LLGL2: variants seen among roughly 807,000 people sequenced by gnomAD.
The protein encoded by LLGL2 is LLGL2, scribble cell polarity complex component.
LLGL2 carries 81 observed loss-of-function variants against 123.2 expected under a neutral mutation model. That is an observed-to-expected ratio of 0.66 (90% CI 0.55 to 0.79). The LOEUF is 0.79. Among genes scored for constraint, LLGL2 ranks in the 30% least tolerant of loss-of-function variants. LLGL2 has a pLI of 0.00. For synonymous variants in LLGL2, 577 were observed against 594.1 expected (o/e 0.97, Z 0.42); for missense variants, 1,273 against 1,414.6 (o/e 0.90, Z 1.61).
chr17:75,550,228 C>G (rs778945450), intron 2 of LLGL2, among the ~76,000 whole-genome samples: 2 of 152,238 alleles, frequency 1.3e-5, no homozygotes, highest in Admixed American at 6.5e-5. Flanking sequence ...AGTGCAGCCG[C>G]GATTCAGGGT....
At position 75,547,641 on chromosome 17, in the gene LLGL2, A is replaced by G. The variant is rs142162532; in HGVS notation, c.75+4140A>G. On this transcript the variant is annotated intron_variant, in intron 2 of 25. Transcript: ENST00000392550. The stretch of plus-strand genomic sequence containing the variant: ...GAAGTTAGAGACCAGCCTGGCCAAC[A>G]TGGCGAAACCCCATCTCTACTAAAA... Among the ~76,000 whole-genome samples, 601 of 152,272 alleles carry G rather than the reference A, an allele frequency of 3.9e-3. 4 individuals are homozygous for G. Among genetic ancestry groups the G allele is most frequent in the African/African-American group, 0.013 (554 of 41,542 alleles).
chr17:75,560,002 G>A (rs561349605), intron 6 of LLGL2, among the ~76,000 whole-genome samples: 1 of 152,204 alleles, frequency 6.6e-6, no homozygotes, highest in Non-Finnish European at 1.5e-5. Flanking sequence ...GATCATGTTG[G>A]GGCCGGGTCG....
At chr17:75,574,299 T>TG in intron 23 of LLGL2, 39 bp downstream of exon 23, 1 of 239,652 alleles carries the variant, frequency 4.2e-6, no homozygotes, top group Non-Finnish European at 6.4e-6. Context: ...GCAGGAGGGG[T>TG]GGGGAAGGGG....
rs1037257535 is a variant in LLGL2, at chr17:75,564,668, G to T, written c.1036+161G>T. 24 of 1,243,294 alleles carry T rather than the reference G, an allele frequency of 1.9e-5. No homozygotes were observed. In the African/African-American group the frequency reaches 2.6e-4, roughly 13 times the overall value. The allele number at this position is 1,243,294 out of a possible 1,614,324, so 77.0% of individuals were successfully genotyped here. A position where few individuals can be genotyped will look rare whatever the true frequency, so the allele number is the denominator to read the frequency against. ...GCTTGAACCCAGGAGTTCAAGTCCA[G>T]CCTGGACAACGTAGGGAGACCCTTG... On this transcript the variant is annotated intron_variant, in intron 10 of 25. Coordinates refer to ENST00000392550, the MANE Select transcript of LLGL2 (RefSeq NM_001031803.2). This position sits in a 1 kb window ranked among gnomAD's most constrained non-coding sequence, Gnocchi z 4.9.
chr17:75,571,883 ACCTCCTCC>A lies in LLGL2; in HGVS notation c.2294-12_2294-5del. 1 of 1,609,960 alleles carries A rather than the reference ACCTCCTCC, an allele frequency of 6.2e-7. No individual in the cohort carries two copies. The highest frequency in any genetic ancestry group is 8.5e-7 in the Non-Finnish European group (1 of 1,179,610). The stretch of plus-strand genomic sequence containing the variant: ...CACCCCCTCACCAGCCCCAACACCC[ACCTCCTCC>A]CCCTAGCCAAGGAGATCCAGCTGAT... On this transcript the variant is annotated splice_region_variant and splice_polypyrimidine_tract_variant and intron_variant, in intron 18 of 25. Coordinates refer to ENST00000392550, the MANE Select transcript of LLGL2 (RefSeq NM_001031803.2).
intron 10 of LLGL2, among the ~76,000 whole-genome samples, chr17:75,566,440 T>A (rs1263562942): frequency 6.6e-6 from 1 of 151,952 alleles, no homozygotes; most frequent in Non-Finnish European, 1.5e-5. Context: ...GTGGCTGGGG[T>A]TACGCTGTCT....
intron 1 of LLGL2, among the ~76,000 whole-genome samples, chr17:75,527,985 T>G: frequency 6.6e-6 from 1 of 150,470 alleles, no homozygotes; most frequent in South Asian, 2.1e-4. Context: ...AAGGGGGTTT[T>G]GCCATGTTGC....
Position 75,570,931 on chromosome 17 carries a change from G to T in LLGL2, c.2026-19G>T. 2 of 1,595,794 alleles carry T rather than the reference G, an allele frequency of 1.3e-6. No individual in the cohort carries two copies. The highest frequency in any genetic ancestry group is 1.7e-6 in the Non-Finnish European group (2 of 1,170,522). ...AGGGGAGTCCAGAGCTGACCCTTAG[G>T]CTGGCCCACCCCTTGCAGGCACAGG... On this transcript the variant is annotated intron_variant, in intron 16 of 25. Transcript: ENST00000392550.
At position 75,574,879 on chromosome 17, in the gene LLGL2, G is replaced by C. The variant is rs569728853; in HGVS notation, c.*1G>C. 1 of 1,614,054 alleles carries C rather than the reference G, an allele frequency of 6.2e-7. No homozygotes were observed. Among genetic ancestry groups the C allele is most frequent in the African/African-American group, 1.3e-5 (1 of 75,068 alleles). On this transcript the variant is annotated 3_prime_UTR_variant, in exon 26 of 26. Transcript: ENST00000392550. ...CCCTCTGTGTCCTTCAGCAGAGTGA[G>C]TGGCTGAGCGTCCAGGCTGCGCGAT...
At chr17:75,566,582 C>T (rs1251123677) in intron 10 of LLGL2, among the ~76,000 whole-genome samples, 1 of 152,204 alleles carries the variant, frequency 6.6e-6, no homozygotes, top group African/African-American at 2.4e-5. Flanking sequence ...CCATGGACAA[C>T]ACAAGGGGCG....
intron 1 of LLGL2, among the ~76,000 whole-genome samples, chr17:75,531,225 C>G (rs1263127368): frequency 6.6e-6 from 1 of 152,172 alleles, no homozygotes; most frequent in East Asian, 1.9e-4. Flanking sequence ...CCCCGGGACC[C>G]TCCCTTTGGA....
chr17:75,527,468 A>G (rs2053613508), intron 1 of LLGL2, among the ~76,000 whole-genome samples: 1 of 152,134 alleles, frequency 6.6e-6, no homozygotes, highest in Non-Finnish European at 1.5e-5. Context: ...TTCTTCCTTG[A>G]GGCAAGGGAG....
intron 10 of LLGL2, among the ~76,000 whole-genome samples, chr17:75,565,161 G>A (rs919902013): frequency 1.2e-4 from 18 of 152,216 alleles, no homozygotes; most frequent in Admixed American, 7.2e-4. Flanking sequence ...GGCAAAGCCC[G>A]CCTTCTGGGC....
At chr17:75,541,442 G>T (rs2054202441) in intron 1 of LLGL2, among the ~76,000 whole-genome samples, 1 of 152,182 alleles carries the variant, frequency 6.6e-6, no homozygotes, top group Non-Finnish European at 1.5e-5. Flanking sequence ...GAAGCCCTTG[G>T]GGCTTTCCCA....
chr17:75,552,134 A>AG (rs1222053441), intron 2 of LLGL2, among the ~76,000 whole-genome samples: 2 of 151,736 alleles, frequency 1.3e-5, no homozygotes, highest in Non-Finnish European at 2.9e-5. Context: ...TCTTTAAAAA[A>AG]AAAGTCTAGA....
At chr17:75,532,089 T>TACACAC (rs1164145781) in intron 1 of LLGL2, among the ~76,000 whole-genome samples, 25 of 48,226 alleles carry the variant, frequency 5.2e-4, no homozygotes, top group African/African-American at 1.3e-3. Context: ...TTTTTTTTTT[T>TACACAC]TTTTTTTTTG....
In LLGL2 at chr17:75,568,637, C is replaced by G. The variant is rs1364414958; in HGVS notation, c.1198C>G (p.Leu400Val). 1 of 1,613,900 alleles carries G rather than the reference C, an allele frequency of 6.2e-7. No homozygotes were observed. The highest frequency in any genetic ancestry group is 8.5e-7 in the Non-Finnish European group (1 of 1,180,026). ...CCACGTCTCCAACATCCCGCTGAAGCTGTGGGAGCGGATCATTGCCGCCGG... is the reference window on the plus strand; with the variant it reads ...CCACGTCTCCAACATCCCGCTGAAGGTGTGGGAGCGGATCATTGCCGCCGG... ...SHHVSNIPLK[L>V]WERIIAAGSR... Residue 400 changes from leucine (L) to valine (V), a missense_variant, in exon 11 of 26, where the codon CTG becomes GTG. Physicochemically the swap from Leu to Val is conservative, Grantham distance 32 (BLOSUM62 1). Coordinates refer to ENST00000392550, the MANE Select transcript of LLGL2 (RefSeq NM_001031803.2).
At chr17:75,567,964 A>G (rs75278200) in intron 10 of LLGL2, 15 of 709,128 alleles carry the variant, frequency 2.1e-5, no homozygotes, top group Non-Finnish European at 2.3e-5. Context: ...AAAAAAAAAA[A>G]AGACAAATGG....
chr17:75,539,397 G>GA (rs1408776215), intron 1 of LLGL2, among the ~76,000 whole-genome samples: 1 of 148,644 alleles, frequency 6.7e-6, no homozygotes, highest in Non-Finnish European at 1.5e-5. Context: ...ATGTAAATTT[G>GA]AAAAAATGTC....
Sources: allele counts gnomAD v4.1 joint callset (sites outside exome capture counted in the v4.1 genomes callset), GRCh38; gene constraint gnomAD v4.1.1; non-coding constraint Gnocchi (gnomAD v3.1); transcripts MANE v1.5; gene names NCBI Gene and HGNC (gene_info 2026-07-23, HGNC 2026-07-21).